Variants in NEDD4 observed in about 807,000 individuals in gnomAD.
NEDD4 encodes the protein NEDD4 E3 ubiquitin protein ligase, also known as E3 ubiquitin-protein ligase NEDD4.
In NEDD4, 99 loss-of-function variants were observed where a neutral mutation model predicts 144.9. That is an observed-to-expected ratio of 0.68 (90% CI 0.58 to 0.81). The LOEUF (loss-of-function observed/expected upper bound fraction) is 0.81. NEDD4 is among the 30% of genes least tolerant of loss of function. The pLI is 0.00. For synonymous variants in NEDD4, 318 were observed against 350.6 expected, an observed-to-expected ratio of 0.91 and a Z score of 1.04; for missense variants, 985 against 1,065.9, an observed-to-expected ratio of 0.92 and a Z score of 1.06.
chr15:55,929,254 C>T (rs567201577), intron 4 of NEDD4, among the ~76,000 whole-genome samples: 1 of 152,092 alleles, frequency 6.6e-6, no homozygotes, highest in Admixed American at 6.6e-5. Context: ...GCACACACAC[C>T]CTCTTATTAG....
At chr15:55,934,331 A>T (rs1286107684) in intron 4 of NEDD4, among the ~76,000 whole-genome samples, 6 of 152,172 alleles carry the variant, frequency 3.9e-5, no homozygotes, top group Admixed American at 3.9e-4. Flanking sequence ...ATATTTCATT[A>T]TATGTGTATA....
Position 55,840,460 on chromosome 15 carries a change from T to C in NEDD4, c.2018A>G (p.Asp673Gly). The change falls in exon 21 of 29, where the codon GAT (aspartate) becomes GGT (glycine). Residue 673 changes from aspartate to glycine, a missense_variant. Asp to Gly is a moderately conservative substitution (Grantham distance 94). Transcript: ENST00000435532. ...AAAAAGACATACCACAGATTCCATATCATGAAGGGTTATTGGTTTGTGAAG... is the reference window on the plus strand; with the variant it reads ...AAAAAGACATACCACAGATTCCATACCATGAAGGGTTATTGGTTTGTGAAG... ...MMLHKPITLH[D>G]MESVDSEYYN... The C allele has an allele frequency of 6.2e-7, 1 of 1,613,512 alleles. No individual in the cohort carries two copies. The highest frequency in any genetic ancestry group is 8.5e-7 in the Non-Finnish European group (1 of 1,179,830).
intron 5 of NEDD4, among the ~76,000 whole-genome samples, chr15:55,906,426 T>C: frequency 6.6e-6 from 1 of 152,142 alleles, no homozygotes. Context: ...GTGTGGCACA[T>C]ATACACCATG....
At chr15:55,852,752 G>GAGAGAGAGAC (rs1455390233) in intron 12 of NEDD4, among the ~76,000 whole-genome samples, 1 of 150,432 alleles carries the variant, frequency 6.6e-6, no homozygotes, top group Non-Finnish European at 1.5e-5. Flanking sequence ...GTGAGAGAGA[G>GAGAGAGAGAC]AGAGAGAGAC....
intron 1 of NEDD4, 71 bp from the exon 2 acceptor site, chr15:55,966,617 T>C: frequency 1.5e-6 from 1 of 672,814 alleles, no homozygotes; most frequent in Non-Finnish European, 2.4e-6. Context: ...TTTTAAAAAA[T>C]ATATATCAAA....
At chr15:55,960,443 A>C (rs1184451906) in intron 2 of NEDD4, among the ~76,000 whole-genome samples, 1 of 151,926 alleles carries the variant, frequency 6.6e-6, no homozygotes, top group African/African-American at 2.4e-5. Flanking sequence ...CGAACATCAG[A>C]CTCCAAGTTC....
intron 9 of NEDD4, among the ~76,000 whole-genome samples, chr15:55,862,472 C>T (rs1033170246): frequency 3.9e-5 from 6 of 152,110 alleles, no homozygotes; most frequent in African/African-American, 1.4e-4. Flanking sequence ...ACCAGACTGT[C>T]AAATGCGCGT....
At chr15:55,954,919 CTTTG>C (rs1460243375) in intron 2 of NEDD4, among the ~76,000 whole-genome samples, 4 of 151,322 alleles carry the variant, frequency 2.6e-5, no homozygotes, top group South Asian at 2.1e-4. Context: ...CTTCAGATAT[CTTTG>C]TTTAATTGTT....
At chr15:55,936,748 C>T (rs1235920742) in intron 4 of NEDD4, among the ~76,000 whole-genome samples, 1 of 151,730 alleles carries the variant, frequency 6.6e-6, no homozygotes, top group African/African-American at 2.4e-5. Flanking sequence ...TTTTTTCCCT[C>T]TAAGCATGTA....
intron 5 of NEDD4, among the ~76,000 whole-genome samples, chr15:55,904,013 T>C (rs1167058787): frequency 6.6e-6 from 1 of 151,354 alleles, no homozygotes; most frequent in Non-Finnish European, 1.5e-5. Flanking sequence ...CACAAAAAAA[T>C]TAGTCAGATG....
intron 1 of NEDD4, among the ~76,000 whole-genome samples, chr15:55,976,444 T>C (rs2037700794): frequency 6.6e-6 from 1 of 152,014 alleles, no homozygotes; most frequent in Admixed American, 6.6e-5. Flanking sequence ...AAAGAAGACA[T>C]ACAAATGGAA....
intron 5 of NEDD4, chr15:55,915,355 C>A: frequency 1.9e-6 from 3 of 1,613,344 alleles, no homozygotes; most frequent in Non-Finnish European, 2.5e-6. Flanking sequence ...ACTTTACCTT[C>A]ATTTCCAGAT....
At chr15:55,992,869 C>CT (rs1377335563) in intron 1 of NEDD4, among the ~76,000 whole-genome samples, 2 of 152,140 alleles carry the variant, frequency 1.3e-5, no homozygotes, top group African/African-American at 2.4e-5. Flanking sequence ...TTTGGCTTCA[C>CT]TTTTTAACAT....
At chr15:55,979,950 G>A (rs1280767205) in intron 1 of NEDD4, among the ~76,000 whole-genome samples, 6 of 149,448 alleles carry the variant, frequency 4.0e-5, no homozygotes, top group South Asian at 2.1e-4. Flanking sequence ...TCGCTTTGTC[G>A]CCCAGATTGG....
intron 2 of NEDD4, among the ~76,000 whole-genome samples, chr15:55,964,000 T>C (rs2037468231): frequency 6.6e-6 from 1 of 152,184 alleles, no homozygotes; most frequent in Non-Finnish European, 1.5e-5. Flanking sequence ...TTCCCCCATA[T>C]ATAAAGTGTC....
At chr15:55,871,896 A>G (rs1411544157) in intron 7 of NEDD4, among the ~76,000 whole-genome samples, 1 of 152,180 alleles carries the variant, frequency 6.6e-6, no homozygotes, top group Non-Finnish European at 1.5e-5. Flanking sequence ...TACAGCTTAA[A>G]TTTAAATTTT....
intron 2 of NEDD4, among the ~76,000 whole-genome samples, chr15:55,958,085 T>C (rs2037367422): frequency 6.6e-6 from 1 of 152,166 alleles, no homozygotes; most frequent in Admixed American, 6.5e-5. Flanking sequence ...AACCTGCACA[T>C]TGTGCACATG....
At chr15:55,849,933 C>T (rs979099624) in intron 14 of NEDD4, among the ~76,000 whole-genome samples, 43 of 152,046 alleles carry the variant, frequency 2.8e-4, no homozygotes, top group African/African-American at 9.6e-4. Flanking sequence ...GCTGGGACTA[C>T]AGGCACCCGC....
intron 5 of NEDD4, chr15:55,916,395 A>G: frequency 1.2e-6 from 2 of 1,614,062 alleles, no homozygotes; most frequent in Non-Finnish European, 1.7e-6. Context: ...ACCACTACAA[A>G]TGGCTGGACT....
Sources: allele counts gnomAD v4.1 joint callset (sites outside exome capture counted in the v4.1 genomes callset), GRCh38; gene constraint gnomAD v4.1.1; transcripts MANE v1.5; gene names NCBI Gene and HGNC (gene_info 2026-07-23, HGNC 2026-07-21).